Variants in ABHD17C observed in about 807,000 individuals in gnomAD.
ABHD17C encodes the protein abhydrolase domain containing 17C, depalmitoylase.
In ABHD17C, 11 loss-of-function variants were observed where a neutral mutation model predicts 27.9. The observed-to-expected ratio is 0.39, with a 90% CI of 0.25 to 0.65. The LOEUF (loss-of-function observed/expected upper bound fraction) is 0.65. ABHD17C is among the 30% of genes least tolerant of loss of function. ABHD17C has a pLI of 0.45. For missense variants in ABHD17C, 280 were observed against 470.2 expected (o/e 0.60, Z 3.74); for synonymous variants, 233 against 209.1 (o/e 1.11, Z -0.98).
intron 2 of ABHD17C, among the ~76,000 whole-genome samples, chr15:80,750,989 C>T (rs1318862257): frequency 2.0e-5 from 3 of 151,568 alleles, no homozygotes; most frequent in Admixed American, 2.0e-4. Flanking sequence ...CTGAGTTTAT[C>T]TGGTATGGCA....
chr15:80,737,738 G>A (rs150905165), intron 1 of ABHD17C, among the ~76,000 whole-genome samples: 77 of 152,270 alleles, frequency 5.1e-4, no homozygotes, highest in African/African-American at 1.8e-3. Context: ...GGACCTGTAG[G>A]ACCCCAGAGT....
intron 1 of ABHD17C, among the ~76,000 whole-genome samples, chr15:80,743,606 A>G (rs184452145): frequency 1.3e-5 from 2 of 152,188 alleles, no homozygotes; most frequent in East Asian, 3.9e-4. Context: ...TTTGGAGACA[A>G]GGTCTCACTC....
At chr15:80,724,000 C>T (rs1433752401) in intron 1 of ABHD17C, among the ~76,000 whole-genome samples, 6 of 151,946 alleles carry the variant, frequency 3.9e-5, no homozygotes, top group South Asian at 2.1e-4. Flanking sequence ...GTCAGGAGTT[C>T]GAGACCAGCC....
At chr15:80,752,115 T>C (rs1895373277) in intron 2 of ABHD17C, among the ~76,000 whole-genome samples, 1 of 152,232 alleles carries the variant, frequency 6.6e-6, no homozygotes, top group Admixed American at 6.5e-5. Flanking sequence ...CTCCAGGCAG[T>C]AGAGATTCTC....
At chr15:80,744,072 T>C (rs1895249303) in intron 1 of ABHD17C, among the ~76,000 whole-genome samples, 1 of 152,242 alleles carries the variant, frequency 6.6e-6, no homozygotes, top group African/African-American at 2.4e-5. Context: ...AACTGACCTA[T>C]GTTTCACACA....
At position 80,754,465 on chromosome 15, in the gene ABHD17C, A is replaced by G; in HGVS notation, c.*95A>G. ...GGGTAGCTGTAAAGGCTTGATAACC[A>G]TGAAGAAGTGCCCAACCTTTAGGGT... On this transcript the variant is annotated 3_prime_UTR_variant, in exon 3 of 3. Transcript: ENST00000258884. 2 of 1,079,464 alleles carry G rather than the reference A, an allele frequency of 1.9e-6. No homozygotes were observed. The highest frequency in any genetic ancestry group is 2.6e-5 in the East Asian group (1 of 38,564). 66.9% of individuals were successfully genotyped at this position (1,079,464 alleles called of 1,614,324 possible).
At chr15:80,728,921 A>G (rs955919513) in intron 1 of ABHD17C, among the ~76,000 whole-genome samples, 1 of 152,156 alleles carries the variant, frequency 6.6e-6, no homozygotes, top group Non-Finnish European at 1.5e-5. Flanking sequence ...TAAAGCACAG[A>G]TTTTCTAAAG....
At chr15:80,745,770 C>A (rs572662320) in intron 1 of ABHD17C, among the ~76,000 whole-genome samples, 1 of 152,220 alleles carries the variant, frequency 6.6e-6, no homozygotes, top group South Asian at 2.1e-4. Flanking sequence ...GCCTGTACCC[C>A]CAAAACTATT....
rs67320992 is a variant in ABHD17C, at chr15:80,713,354, CTTTTTTTT to C, written c.590+17356_590+17363del. Among the ~76,000 whole-genome samples the C allele has an allele frequency of 3.4e-4, 15 of 43,842 alleles. No individual in the cohort carries two copies. The East Asian group carries it at 4.3e-3, about 13-fold the overall frequency. 28.8% of individuals were successfully genotyped at this position (43,842 alleles called of 152,430 possible). On this transcript the variant is annotated intron_variant, in intron 1 of 2. Coordinates refer to ENST00000258884, the MANE Select transcript of ABHD17C (RefSeq NM_021214.2). ...GAAGGAAAGCCACTGAGGTCTTGTT[CTTTTTTTT>C]TTTTTTTTTTTTTTTTTTTTCAAAA...
intron 2 of ABHD17C, among the ~76,000 whole-genome samples, chr15:80,752,067 C>T (rs912916034): frequency 6.6e-6 from 1 of 152,204 alleles, no homozygotes; most frequent in African/African-American, 2.4e-5. Flanking sequence ...CTCCTTTACA[C>T]TTGGGATCGG....
intron 1 of ABHD17C, among the ~76,000 whole-genome samples, chr15:80,719,797 C>G (rs72736108): frequency 0.07 from 10,715 of 152,050 alleles, 480 homozygotes; most frequent in Middle Eastern, 0.13. Context: ...TTGTGATCAC[C>G]TTTTCTTTTT....
rs1480033765 is a variant in ABHD17C at position 80,726,873 on chromosome 15, C to T, written c.591-22640C>T. 3.3e-5 allele frequency among the ~76,000 whole-genome samples: 5 copies of T among 152,180 alleles called. No individual in the cohort carries two copies. The East Asian group carries it at 9.6e-4, about 29-fold the overall frequency. ...ATTGTAGTTAAGGAATGTGCCATAG[C>T]TTTCATTTACTTTGATTCTTAAGTT... is the stretch of plus-strand genomic sequence containing the variant. On this transcript the variant is annotated intron_variant, in intron 1 of 2. Coordinates refer to ENST00000258884, the MANE Select transcript of ABHD17C (RefSeq NM_021214.2).
chr15:80,740,421 C>T (rs893217350), intron 1 of ABHD17C, among the ~76,000 whole-genome samples: 10 of 152,114 alleles, frequency 6.6e-5, no homozygotes, highest in Non-Finnish European at 1.5e-4. Flanking sequence ...TAGGAGAATA[C>T]ATCAACTGTC....
chr15:80,729,026 T>C (rs1895021113), intron 1 of ABHD17C, among the ~76,000 whole-genome samples: 1 of 152,184 alleles, frequency 6.6e-6, no homozygotes, highest in East Asian at 1.9e-4. Context: ...TATTTTAGAG[T>C]AGAAATAGCA....
intron 1 of ABHD17C, among the ~76,000 whole-genome samples, chr15:80,745,269 A>G (rs1377816382): frequency 1.3e-5 from 2 of 151,976 alleles, no homozygotes; most frequent in Non-Finnish European, 2.9e-5. Context: ...GCTTTTCTTT[A>G]TAGGCTTACC....
At chr15:80,738,475 G>A (rs1208158561) in intron 1 of ABHD17C, among the ~76,000 whole-genome samples, 2 of 152,156 alleles carry the variant, frequency 1.3e-5, no homozygotes, top group Non-Finnish European at 2.9e-5. Flanking sequence ...CAAACAGAAG[G>A]CAGGCCCTGA....
chr15:80,731,310 A>G (rs1316730303), intron 1 of ABHD17C, among the ~76,000 whole-genome samples: 1 of 152,236 alleles, frequency 6.6e-6, no homozygotes, highest in East Asian at 1.9e-4. Flanking sequence ...CGCTTACTGC[A>G]CTGGCATCCT....
chr15:80,740,397 C>T (rs769482228), intron 1 of ABHD17C, among the ~76,000 whole-genome samples: 1 of 152,048 alleles, frequency 6.6e-6, no homozygotes, highest in Admixed American at 6.6e-5. Flanking sequence ...TGGATGGGCC[C>T]GTGGTTTCAG....
At chr15:80,738,085 A>G (rs984773313) in intron 1 of ABHD17C, among the ~76,000 whole-genome samples, 1 of 152,116 alleles carries the variant, frequency 6.6e-6, no homozygotes. Flanking sequence ...CTGGGAGAGA[A>G]GAGAAGAAGT....
Sources: allele counts gnomAD v4.1 joint callset (sites outside exome capture counted in the v4.1 genomes callset), GRCh38; gene constraint gnomAD v4.1.1; transcripts MANE v1.5; gene names NCBI Gene and HGNC (gene_info 2026-07-23, HGNC 2026-07-21).